ENOX1: variants seen among roughly 807,000 people sequenced by gnomAD.
ENOX1 encodes the protein candidate growth-related and time keeping constitutive hydroquinone (NADH) oxidase.
A neutral mutation model predicts 82.5 loss-of-function variants in ENOX1; 42 were observed. The observed-to-expected ratio is 0.51, with a 90% CI of 0.40 to 0.66. The LOEUF (loss-of-function observed/expected upper bound fraction) is 0.66. Among genes scored for constraint, ENOX1 ranks in the 30% least tolerant of loss-of-function variants. The pLI is 0.00. For missense variants in ENOX1, 608 were observed against 811.6 expected (o/e 0.75, Z 3.05); for synonymous variants, 271 against 282.2 (o/e 0.96, Z 0.40).
At chr13:43,568,687 A>G (rs2080028812) in intron 2 of ENOX1, among the ~76,000 whole-genome samples, 1 of 21,736 alleles carries the variant, frequency 4.6e-5, no homozygotes, top group Admixed American at 9.9e-4. Flanking sequence ...ACAACTCCAG[A>G]GTTTTTTTTT....
chr13:43,636,591 T>G (rs1791534834), intron 2 of ENOX1, among the ~76,000 whole-genome samples: 1 of 152,224 alleles, frequency 6.6e-6, no homozygotes, highest in African/African-American at 2.4e-5. Context: ...CACTTTCAAT[T>G]ATTCAACAAA....
At chr13:43,621,243 T>C (rs1037823925) in intron 2 of ENOX1, among the ~76,000 whole-genome samples, 2 of 152,216 alleles carry the variant, frequency 1.3e-5, no homozygotes, top group Non-Finnish European at 2.9e-5. Context: ...AATGTTAGTA[T>C]TGAGATGTGA....
At chr13:43,234,196 G>C (rs1271421776) in intron 15 of ENOX1, among the ~76,000 whole-genome samples, 2 of 152,068 alleles carry the variant, frequency 1.3e-5, no homozygotes, top group African/African-American at 4.8e-5. Context: ...TGCAGCTTTT[G>C]GCAGGATCCA....
At chr13:43,604,934 A>G (rs1413012167) in intron 2 of ENOX1, among the ~76,000 whole-genome samples, 1 of 152,198 alleles carries the variant, frequency 6.6e-6, no homozygotes, top group East Asian at 1.9e-4. Flanking sequence ...CAAAATTAAC[A>G]TTCAATGATC....
chr13:43,729,761 C>G (rs2089222956), intron 1 of ENOX1, among the ~76,000 whole-genome samples: 1 of 152,252 alleles, frequency 6.6e-6, no homozygotes, highest in Non-Finnish European at 1.5e-5. Flanking sequence ...TAATGCCTCT[C>G]TGATGGAGGA....
intron 1 of ENOX1, among the ~76,000 whole-genome samples, chr13:43,670,852 A>C (rs1229404684): frequency 1.2e-4 from 5 of 40,804 alleles, no homozygotes. Flanking sequence ...CAAACAACAA[A>C]ACAACAACAA....
At chr13:43,363,291 G>A (rs1189171065) in intron 5 of ENOX1, among the ~76,000 whole-genome samples, 1 of 152,176 alleles carries the variant, frequency 6.6e-6, no homozygotes, top group Non-Finnish European at 1.5e-5. Context: ...AGATGGCAGA[G>A]TCAGAATGAG....
chr13:43,214,449 C>T (rs907003391), intron 16 of ENOX1, among the ~76,000 whole-genome samples: 1 of 152,110 alleles, frequency 6.6e-6, no homozygotes, highest in Admixed American at 6.5e-5. Context: ...AAGAGGGCTC[C>T]CAGCAAATCC....
chr13:43,217,748 G>A (rs2041563260), intron 16 of ENOX1, among the ~76,000 whole-genome samples: 1 of 152,138 alleles, frequency 6.6e-6, no homozygotes, highest in Non-Finnish European at 1.5e-5. Context: ...CAAGACAAGG[G>A]AATTGGAAAG....
chr13:43,275,418 C>A (rs1267411135), intron 12 of ENOX1, among the ~76,000 whole-genome samples: 2 of 152,126 alleles, frequency 1.3e-5, no homozygotes, highest in Non-Finnish European at 2.9e-5. Flanking sequence ...CTGAAATTCA[C>A]AGGATTGTGA....
chr13:43,298,194 A>G, intron 12 of ENOX1, 152 bp downstream of exon 12: 1 of 695,176 alleles, frequency 1.4e-6, no homozygotes, highest in Non-Finnish European at 2.2e-6. Flanking sequence ...CCTTCCACAA[A>G]CAGTCATTAG....
intron 1 of ENOX1, among the ~76,000 whole-genome samples, chr13:43,763,507 A>G (rs1269146927): frequency 2.6e-5 from 4 of 152,184 alleles, no homozygotes; most frequent in Non-Finnish European, 4.4e-5. Flanking sequence ...TAATCTAAAC[A>G]TCCCAAATGA....
chr13:43,547,371 G>C (rs1424683698), intron 2 of ENOX1: 1 of 152,214 alleles, frequency 6.6e-6, no homozygotes, highest in Admixed American at 6.5e-5. Context: ...TTCAAACAGA[G>C]AGCCCTGTGG....
chr13:43,779,283 G>A (rs984112313), intron 1 of ENOX1, among the ~76,000 whole-genome samples: 1 of 151,966 alleles, frequency 6.6e-6, no homozygotes, highest in African/African-American at 2.4e-5. Flanking sequence ...TTGGGGAGGG[G>A]ATCCTAGGAA....
At chr13:43,505,949 C>T (rs995142176) in intron 2 of ENOX1, among the ~76,000 whole-genome samples, 2 of 151,968 alleles carry the variant, frequency 1.3e-5, no homozygotes, top group Non-Finnish European at 2.9e-5. Flanking sequence ...GGAAGGGATC[C>T]AGTTTCAGCT....
At chr13:43,549,167 CTGT>C (rs1419392721) in intron 2 of ENOX1, among the ~76,000 whole-genome samples, 2 of 152,234 alleles carry the variant, frequency 1.3e-5, no homozygotes, top group African/African-American at 2.4e-5. Context: ...TGGAATTAGA[CTGT>C]TGTTGTTGAC....
chr13:43,396,588 C>A (rs900171971), intron 5 of ENOX1, among the ~76,000 whole-genome samples: 8 of 152,026 alleles, frequency 5.3e-5, no homozygotes, highest in Admixed American at 3.9e-4. Flanking sequence ...ACCATGTTGG[C>A]CAGGCTGGTC....
At chr13:43,507,726 C>A (rs2077222899) in intron 2 of ENOX1, among the ~76,000 whole-genome samples, 1 of 152,046 alleles carries the variant, frequency 6.6e-6, no homozygotes, top group East Asian at 1.9e-4. Flanking sequence ...ACCAGTTACC[C>A]CAACCTGGGA....
intron 2 of ENOX1, among the ~76,000 whole-genome samples, chr13:43,621,330 T>C (rs2082720289): frequency 6.6e-6 from 1 of 152,188 alleles, no homozygotes; most frequent in Non-Finnish European, 1.5e-5. Flanking sequence ...TTAACTTGTA[T>C]TTTTGTTTTA....
Sources: gnomAD v4.1 joint callset for allele counts (sites outside exome capture counted in the v4.1 genomes callset) on GRCh38, gnomAD v4.1.1 for gene constraint, MANE v1.5 for transcripts, NCBI Gene and HGNC (gene_info 2026-07-23, HGNC 2026-07-21) for gene names.